Variants in SLC35F1 observed in about 807,000 individuals in gnomAD.
SLC35F1 encodes the protein chromosome 6 open reading frame 169.
In SLC35F1, 14 loss-of-function variants were observed where a neutral mutation model predicts 48.7. That is an observed-to-expected ratio of 0.29 (90% confidence interval 0.19 to 0.45). The LOEUF (loss-of-function observed/expected upper bound fraction) is 0.45, where lower values mean the gene tolerates loss of function less well. SLC35F1 is among the 20% of genes least tolerant of loss of function. The pLI is 1.00. For synonymous variants in SLC35F1, 190 were observed against 202.2 expected (o/e 0.94, Z 0.51); for missense variants, 404 against 500.0 (o/e 0.81, Z 1.83).
At chr6:118,051,661 A>C (rs935707503) in intron 1 of SLC35F1, among the ~76,000 whole-genome samples, 1 of 152,186 alleles carries the variant, frequency 6.6e-6, no homozygotes, top group African/African-American at 2.4e-5. Context: ...ATGTGAAAAA[A>C]ATGGAGGATA....
At chr6:118,150,355 G>A (rs1340240378) in intron 1 of SLC35F1, among the ~76,000 whole-genome samples, 1 of 152,052 alleles carries the variant, frequency 6.6e-6, no homozygotes, top group African/African-American at 2.4e-5. Flanking sequence ...ACTGTGTCTT[G>A]TTCATCTTTG....
intron 1 of SLC35F1, among the ~76,000 whole-genome samples, chr6:118,085,529 A>G (rs60967336): frequency 0.39 from 42,863 of 109,436 alleles, 8,223 homozygotes; most frequent in East Asian, 0.5. Flanking sequence ...GTAGAGCCTC[A>G]CTCTGTCTCC....
At chr6:118,275,896 T>C (rs762000966) in intron 5 of SLC35F1, among the ~76,000 whole-genome samples, 3 of 152,228 alleles carry the variant, frequency 2.0e-5, no homozygotes, top group Non-Finnish European at 2.9e-5. Context: ...CTGAAATCCA[T>C]GAGTGGGTTA....
rs1205932183 is a variant in SLC35F1, at chr6:117,954,562, T to C, written c.173+46663T>C. 3.3e-5 allele frequency among the ~76,000 whole-genome samples: 5 copies of C among 152,258 alleles called. No individual in the cohort carries two copies. The South Asian group carries it at 6.2e-4, about 19-fold the overall frequency. On this transcript the variant is annotated intron_variant, in intron 1 of 7. Transcript: ENST00000360388. ...GCGTGAGCCACTGCGCTTGGCTGTTTTTTTCTTTTTAAAGAGTCACTGAGA... is the reference window on the plus strand; with the variant it reads ...GCGTGAGCCACTGCGCTTGGCTGTTCTTTTCTTTTTAAAGAGTCACTGAGA...
At chr6:117,982,132 T>A (rs897924847) in intron 1 of SLC35F1, among the ~76,000 whole-genome samples, 16 of 152,220 alleles carry the variant, frequency 1.1e-4, no homozygotes, top group African/African-American at 3.4e-4. Flanking sequence ...ATATATTTAT[T>A]TACAGTTTCT....
chr6:118,161,351 C>T (rs1479795764), intron 2 of SLC35F1, among the ~76,000 whole-genome samples: 2 of 151,904 alleles, frequency 1.3e-5, no homozygotes, highest in African/African-American at 4.8e-5. Context: ...AGGATTTTCT[C>T]AGAGCAGAAG....
chr6:118,177,175 T>G (rs1321457383), intron 2 of SLC35F1, among the ~76,000 whole-genome samples: 3 of 152,118 alleles, frequency 2.0e-5, no homozygotes, highest in Non-Finnish European at 4.4e-5. Context: ...TTTTAAAGCT[T>G]TCTTGATAGG....
intron 1 of SLC35F1, among the ~76,000 whole-genome samples, chr6:118,123,727 C>T (rs1432656166): frequency 1.3e-5 from 2 of 152,188 alleles, no homozygotes; most frequent in Non-Finnish European, 2.9e-5. Context: ...AACATTACAC[C>T]ATTTTCTGGA....
chr6:118,035,611 T>C (rs1344528418), intron 1 of SLC35F1, among the ~76,000 whole-genome samples: 5 of 132,048 alleles, frequency 3.8e-5, no homozygotes, highest in Non-Finnish European at 4.9e-5. Flanking sequence ...TGAAACTCCG[T>C]CTCACAAAAA....
intron 1 of SLC35F1, among the ~76,000 whole-genome samples, chr6:117,923,264 T>A (rs1223773772): frequency 2.6e-5 from 4 of 151,990 alleles, no homozygotes; most frequent in Admixed American, 2.6e-4. Flanking sequence ...AGAATAAAAC[T>A]ACAGCCCAGC....
chr6:118,196,648 A>G (rs7773592), intron 2 of SLC35F1, among the ~76,000 whole-genome samples: 2 of 152,048 alleles, frequency 1.3e-5, no homozygotes, highest in Admixed American at 1.3e-4. Context: ...CCCGGGAGGT[A>G]GAGGTTGCAG....
rs557583018 is a variant in SLC35F1 at position 117,965,631 on chromosome 6, G to T, written c.173+57732G>T. 6.6e-5 allele frequency among the ~76,000 whole-genome samples: 10 copies of T among 152,244 alleles called. No individual in the cohort carries two copies. The East Asian group carries it at 1.4e-3, about 21-fold the overall frequency. On this transcript the variant is annotated intron_variant, in intron 1 of 7. Coordinates refer to ENST00000360388, the MANE Select transcript of SLC35F1 (RefSeq NM_001029858.4). ...TCTCATTATTCCCACCCCACAGCTGGGGTGGTAGACGGTGGATGTATGTGT... is the reference window on the plus strand; with the variant it reads ...TCTCATTATTCCCACCCCACAGCTGTGGTGGTAGACGGTGGATGTATGTGT...
intron 3 of SLC35F1, among the ~76,000 whole-genome samples, chr6:118,254,019 G>T (rs951669735): frequency 6.6e-6 from 1 of 151,954 alleles, no homozygotes; most frequent in Non-Finnish European, 1.5e-5. Flanking sequence ...AGCTGCTGGA[G>T]CAAAGCCTCA....
intron 2 of SLC35F1, among the ~76,000 whole-genome samples, chr6:118,163,057 G>A (rs1774262643): frequency 6.6e-6 from 1 of 151,456 alleles, no homozygotes; most frequent in African/African-American, 2.4e-5. Context: ...TCCCTCCCAG[G>A]CTCAAGCAGT....
At chr6:118,181,466 A>G (rs765063837) in intron 2 of SLC35F1, among the ~76,000 whole-genome samples, 2 of 152,106 alleles carry the variant, frequency 1.3e-5, no homozygotes, top group Non-Finnish European at 2.9e-5. Context: ...TTTAAAACCT[A>G]TTAGAGGGAA....
intron 2 of SLC35F1, among the ~76,000 whole-genome samples, chr6:118,232,937 A>T (rs898739493): frequency 2.6e-5 from 4 of 151,450 alleles, no homozygotes; most frequent in Non-Finnish European, 4.4e-5. Flanking sequence ...GAATCTCTAG[A>T]AGGGGGGCTG....
intron 1 of SLC35F1, among the ~76,000 whole-genome samples, chr6:118,049,591 G>A (rs932572790): frequency 5.3e-5 from 8 of 151,278 alleles, no homozygotes; most frequent in African/African-American, 1.9e-4. Context: ...AGACATTTAT[G>A]CAGCCAAAAA....
intron 1 of SLC35F1, among the ~76,000 whole-genome samples, chr6:117,984,526 A>C (rs1351367188): frequency 6.6e-6 from 1 of 151,662 alleles, no homozygotes; most frequent in Admixed American, 6.6e-5. Flanking sequence ...ATAATATTTC[A>C]TGACACATAA....
At chr6:118,193,756 C>T (rs1254867531) in intron 2 of SLC35F1, among the ~76,000 whole-genome samples, 1 of 152,118 alleles carries the variant, frequency 6.6e-6, no homozygotes, top group East Asian at 1.9e-4. Context: ...CTGACTCTTT[C>T]CAGCATAGCT....
Sources: gnomAD v4.1 joint callset for allele counts (sites outside exome capture counted in the v4.1 genomes callset) on GRCh38, gnomAD v4.1.1 for gene constraint, MANE v1.5 for transcripts, NCBI Gene and HGNC (gene_info 2026-07-23, HGNC 2026-07-21) for gene names.